DHX57: variants seen among roughly 807,000 people sequenced by gnomAD.
The protein encoded by DHX57 is DExH-box helicase 57, also known as putative ATP-dependent RNA helicase DHX57.
In DHX57, 105 loss-of-function variants were observed where a neutral mutation model predicts 156.2. The observed-to-expected ratio is 0.67, with a 90% CI of 0.57 to 0.79. The LOEUF (loss-of-function observed/expected upper bound fraction) is 0.79, where lower values mean the gene tolerates loss of function less well. Among genes scored for constraint, DHX57 ranks in the 30% least tolerant of loss-of-function variants. The pLI is 0.00. For synonymous variants in DHX57, 704 were observed against 595.6 expected (o/e 1.18, Z -2.65); for missense variants, 1,847 against 1,661.9 (o/e 1.11, Z -1.94).
At chr2:38,860,920 C>A in intron 5 of DHX57, 79 bp downstream of exon 5, 1 of 1,334,756 alleles carries the variant, frequency 7.5e-7, no homozygotes. Flanking sequence ...CTAAGCCATC[C>A]TAGACCAGCC....
rs770841483 is a variant in DHX57 at position 38,861,076 on chromosome 2, C to T, written c.1334G>A (p.Arg445Lys). 2 of 1,614,144 alleles carry T rather than the reference C, an allele frequency of 1.2e-6. No homozygotes were observed. The highest frequency in any genetic ancestry group is 1.1e-5 in the South Asian group (1 of 91,078). Reference protein sequence around the residue: ...PPVNFLPVPSRTRINNPACHK... With the variant: ...PPVNFLPVPSKTRINNPACHK... Reference sequence around the variant, plus strand: ...ACAGGCAGGATTATTTATTCTGGTCCTAGAGGGTACTGGCAGAAAGTTCAC... The same window carrying T: ...ACAGGCAGGATTATTTATTCTGGTCTTAGAGGGTACTGGCAGAAAGTTCAC... The change falls in exon 5 of 24, where the codon AGG becomes AAG. Residue 445 changes from arginine to lysine, a missense_variant. Coordinates refer to ENST00000457308, the MANE Select transcript of DHX57 (RefSeq NM_198963.3).
intron 16 of DHX57, among the ~76,000 whole-genome samples, chr2:38,824,605 C>T (rs1305232325): frequency 1.3e-5 from 2 of 152,136 alleles, no homozygotes; most frequent in African/African-American, 4.8e-5. Flanking sequence ...AAACGATCCA[C>T]TTATTCCTTC....
At position 38,856,513 on chromosome 2, in the gene DHX57, T is replaced by C; in HGVS notation, c.1588-52A>G. 3 of 1,547,808 alleles carry C rather than the reference T, an allele frequency of 1.9e-6. No individual in the cohort carries two copies. In the South Asian group the frequency reaches 3.7e-5, roughly 19 times the overall value. Reference sequence around the variant, plus strand: ...GTTGGGTTACTTTTTCTTTTTTTTTTTTTTTTTTTGAGACAGGGTCTCACT... The same window carrying C: ...GTTGGGTTACTTTTTCTTTTTTTTTCTTTTTTTTTGAGACAGGGTCTCACT... On this transcript the variant is annotated intron_variant, in intron 6 of 23. Coordinates refer to ENST00000457308, the MANE Select transcript of DHX57 (RefSeq NM_198963.3).
chr2:38,831,844 C>CA (rs35533064), intron 13 of DHX57, among the ~76,000 whole-genome samples: 74,224 of 131,644 alleles, frequency 0.56, 21,836 homozygotes, highest in East Asian at 0.84. Flanking sequence ...GACTTCATCT[C>CA]AAAAAAAAAA....
intron 6 of DHX57, 83 bp downstream of exon 6, chr2:38,858,578 G>C (rs943532303): frequency 1.0e-5 from 15 of 1,477,436 alleles, no homozygotes; most frequent in Non-Finnish European, 8.1e-6. Context: ...ATTTTAAGGA[G>C]GGTAGCCAAA....
chr2:38,858,874 CCTTT>C (rs1257004882), intron 5 of DHX57, 38 bp from the exon 6 acceptor site: 1 of 1,567,586 alleles, frequency 6.4e-7, no homozygotes, highest in African/African-American at 1.4e-5. Flanking sequence ...AGTATGGAGC[CCTTT>C]CTTTAACAAA....
chr2:38,858,902 T>C, intron 5 of DHX57, 66 bp from the exon 6 acceptor site: 1 of 1,495,668 alleles, frequency 6.7e-7, no homozygotes, highest in South Asian at 1.3e-5. Context: ...GGAAAGTCGC[T>C]GTCTAACAGA....
intron 1 of DHX57, among the ~76,000 whole-genome samples, chr2:38,872,511 A>G (rs973308964): frequency 3.9e-5 from 6 of 152,250 alleles, no homozygotes; most frequent in Non-Finnish European, 5.9e-5. Context: ...TCAAAGACAC[A>G]ATAAATGAAA....
chr2:38,811,511 C>T (rs1409152526), intron 21 of DHX57: 1 of 914,170 alleles, frequency 1.1e-6, no homozygotes, highest in Non-Finnish European at 1.8e-6. Context: ...GTGCCTTCTT[C>T]CTGGCTTCCT....
chr2:38,861,765 C>A lies in DHX57; in HGVS notation c.645G>T (p.Glu215Asp). The change falls in exon 5 of 24, where the codon GAG (glutamate) becomes GAT (aspartate). Residue 215 changes from glutamate to aspartate, a missense_variant. By Grantham distance (45) the Glu-to-Asp change is conservative. Transcript: ENST00000457308. ...MCDGDVGASL[E>D]HLLTQCFSET... ...CTGAAAAACACTGGGTAAGGAGATG[C>A]TCTAGTGATGCTCCCACATCTCCAT... 3 of 1,614,132 alleles carry A rather than the reference C, an allele frequency of 1.9e-6. No individual in the cohort carries two copies. Among genetic ancestry groups the A allele is most frequent in the Non-Finnish European group, 2.5e-6 (3 of 1,180,002 alleles).
intron 17 of DHX57, among the ~76,000 whole-genome samples, chr2:38,822,460 A>C (rs1670873072): frequency 6.6e-6 from 1 of 151,348 alleles, no homozygotes; most frequent in African/African-American, 2.4e-5. Context: ...TGGTGGCGCG[A>C]TCTCGGCTCA....
At chr2:38,819,931 T>G (rs187560636) in intron 17 of DHX57, among the ~76,000 whole-genome samples, 1 of 152,358 alleles carries the variant, frequency 6.6e-6, no homozygotes. Flanking sequence ...ATGTGTAAAA[T>G]CAGCAGGGAA....
chr2:38,865,865 C>T (rs1665041283), intron 2 of DHX57, among the ~76,000 whole-genome samples: 1 of 152,198 alleles, frequency 6.6e-6, no homozygotes, highest in African/African-American at 2.4e-5. Context: ...ACTTGGAGAA[C>T]ATCTCCTAAC....
At position 38,862,159 on chromosome 2, in the gene DHX57, C is replaced by T. The variant is rs773115430; in HGVS notation, c.558G>A (p.Val186=). The T allele has an allele frequency of 6.3e-7, 1 of 1,593,358 alleles. No individual in the cohort carries two copies. The highest frequency in any genetic ancestry group is 1.1e-5 in the South Asian group (1 of 88,450). The change falls in exon 4 of 24, where the codon GTG becomes GTA. Residue 186 remains valine, a synonymous_variant. Transcript: ENST00000457308. ...AAAGCAATCACCTGGAAAGTTTTTG[C>T]ACTGCAAATGGGGAGACTGTAAATT... The part of the protein sequence containing the change: ...VPEFTVSPFA[V]QKLSRYGFNT...
rs776033435 is a variant in DHX57, at chr2:38,823,162, C to T, written c.3122G>A (p.Arg1041Gln). ...DSLRASKIRLRDLGALTPDER... is the reference protein window; with the variant it reads ...DSLRASKIRLQDLGALTPDER... ...ATCTGGAGTTAATGCTCCTAAGTCT[C>T]GTAATCGTATTTTTGAGGCACGAAG... Residue 1041 changes from arginine (R) to glutamine (Q), a missense_variant, in exon 17 of 24, where the codon CGA becomes CAA. Transcript: ENST00000457308. The T allele has an allele frequency of 5.6e-5, 90 of 1,613,958 alleles. No homozygotes were observed. In the South Asian group the frequency reaches 6.9e-4, roughly 12 times the overall value.
chr2:38,839,345 G>A (rs1276933150), intron 12 of DHX57, among the ~76,000 whole-genome samples: 1 of 151,922 alleles, frequency 6.6e-6, no homozygotes, highest in Non-Finnish European at 1.5e-5. Context: ...CAGTCTAACT[G>A]GAACAAAATA....
At chr2:38,799,266 T>A (rs1019875668) in intron 23 of DHX57, among the ~76,000 whole-genome samples, 1 of 150,984 alleles carries the variant, frequency 6.6e-6, no homozygotes, top group Non-Finnish European at 1.5e-5. Flanking sequence ...CTTGGGAGGC[T>A]AAGGCAGGAG....
intron 23 of DHX57, among the ~76,000 whole-genome samples, chr2:38,802,162 A>G (rs1298850378): frequency 6.6e-6 from 1 of 152,060 alleles, no homozygotes; most frequent in Non-Finnish European, 1.5e-5. Flanking sequence ...CTAGCCTTTT[A>G]TACTAACCTC....
chr2:38,855,167 T>A lies in DHX57; in HGVS notation c.1795A>T (p.Thr599Ser), dbSNP rs777884140. ...ATTGCAGAGATTCGTCGGGGTTGGG[T>A]ACAGATGATGTTGGCTACCTTCTCA... ...PPEKVANIICTQPRRISAISV... is the reference protein window; with the variant it reads ...PPEKVANIICSQPRRISAISV... The change falls in exon 8 of 24, where the codon ACC (threonine) becomes TCC (serine). Residue 599 changes from threonine (T) to serine (S), a missense_variant. Physicochemically the swap from Thr to Ser is moderately conservative, Grantham distance 58. Coordinates refer to ENST00000457308, the MANE Select transcript of DHX57 (RefSeq NM_198963.3). 1.2e-6 allele frequency: 2 copies of A among 1,613,992 alleles called. No individual in the cohort carries two copies. The highest frequency in any genetic ancestry group is 2.7e-5 in the African/African-American group (2 of 74,898).
Sources: gnomAD v4.1 joint callset for allele counts (sites outside exome capture counted in the v4.1 genomes callset) on GRCh38, gnomAD v4.1.1 for gene constraint, MANE v1.5 for transcripts, NCBI Gene and HGNC (gene_info 2026-07-23, HGNC 2026-07-21) for gene names.